The following ARHGEF10 variants were observed in gnomAD, a reference collection of about 807,000 sequenced individuals.
ARHGEF10 encodes the protein Rho guanine nucleotide exchange factor (GEF) 10.
In ARHGEF10, 140 loss-of-function variants were observed where a neutral mutation model predicts 147.4. That is an observed-to-expected ratio of 0.95 (90% CI 0.83 to 1.09). The LOEUF is 1.09. ARHGEF10 is among the 50% of genes least tolerant of loss of function. The pLI is 0.00. For synonymous variants in ARHGEF10, 902 were observed against 695.8 expected (o/e 1.30, Z -4.67); for missense variants, 2,222 against 1,752.7 (o/e 1.27, Z -4.78).
intron 17 of ARHGEF10, among the ~76,000 whole-genome samples, chr8:1,906,169 G>C (rs867761034): frequency 6.6e-6 from 1 of 152,110 alleles, no homozygotes; most frequent in East Asian, 1.9e-4. Flanking sequence ...CATCAGAATC[G>C]TTCTCCAATG....
chr8:1,879,587 C>A (rs1025699705), intron 8 of ARHGEF10, among the ~76,000 whole-genome samples: 1 of 150,344 alleles, frequency 6.7e-6, no homozygotes, highest in Non-Finnish European at 1.5e-5. Flanking sequence ...GGGTCTTACT[C>A]TGTCTGCCAG....
chr8:1,946,209 G>A (rs1359796349), intron 27 of ARHGEF10, among the ~76,000 whole-genome samples: 2 of 152,220 alleles, frequency 1.3e-5, no homozygotes, highest in Non-Finnish European at 2.9e-5. Context: ...GGGCCCAACC[G>A]GCTTCTTTCA....
intron 4 of ARHGEF10, among the ~76,000 whole-genome samples, chr8:1,862,786 T>C (rs1180880931): frequency 2.0e-5 from 3 of 148,070 alleles, no homozygotes; most frequent in South Asian, 2.2e-4. Context: ...TTTTTTTTTT[T>C]TTTTTTTTTT....
chr8:1,842,850 C>G (rs1288018877), intron 1 of ARHGEF10, among the ~76,000 whole-genome samples: 1 of 152,230 alleles, frequency 6.6e-6, no homozygotes, highest in East Asian at 1.9e-4. Context: ...CCCAGCCTCG[C>G]CCCGAGAGGT....
intron 16 of ARHGEF10, among the ~76,000 whole-genome samples, chr8:1,904,676 A>C (rs1203037047): frequency 1.3e-5 from 2 of 152,080 alleles, no homozygotes; most frequent in Non-Finnish European, 2.9e-5. Flanking sequence ...TGTCACCCAC[A>C]TGCCTCATCG....
intron 1 of ARHGEF10, among the ~76,000 whole-genome samples, chr8:1,842,668 C>T (rs1258533602): frequency 3.9e-5 from 6 of 152,244 alleles, no homozygotes. Flanking sequence ...TTATTTCACC[C>T]TGGATGGCTC....
rs1021050113 is a variant in ARHGEF10 at position 1,885,626 on chromosome 8, A to G, written c.1101A>G (p.Glu367=). 1 of 1,613,898 alleles carries G rather than the reference A, an allele frequency of 6.2e-7. No homozygotes were observed. The highest frequency in any genetic ancestry group is 8.5e-7 in the Non-Finnish European group (1 of 1,179,920). The change falls in exon 11 of 29, where the codon GAA becomes GAG. Residue 367 remains glutamate (E), a synonymous_variant. Coordinates refer to ENST00000349830, the MANE Select transcript of ARHGEF10 (RefSeq NM_014629.4). Reference sequence around the variant, plus strand: ...ATCACAGATCTTCTCTTGAGGAAGAACAGAATTTGTTCATTGATGTTGACT... The same window carrying G: ...ATCACAGATCTTCTCTTGAGGAAGAGCAGAATTTGTTCATTGATGTTGACT... The part of the protein sequence containing the change: ...AQDHRSSLEE[E]QNLFIDVDCK...
At chr8:1,833,513 A>T (rs1250113269) in intron 1 of ARHGEF10, among the ~76,000 whole-genome samples, 2 of 152,278 alleles carry the variant, frequency 1.3e-5, no homozygotes, top group African/African-American at 2.4e-5. Flanking sequence ...AGCCGCTGCC[A>T]CTGCATCCGC....
chr8:1,957,488 C>G lies in ARHGEF10; in HGVS notation c.*225C>G. On this transcript the variant is annotated 3_prime_UTR_variant, in exon 29 of 29. Coordinates refer to ENST00000349830, the MANE Select transcript of ARHGEF10 (RefSeq NM_014629.4). ...AAGCACTTCTCACGAAGGCAGAAGACTGATGCAATTTTCGAGTAATTGAGT... is the reference window on the plus strand; with the variant it reads ...AAGCACTTCTCACGAAGGCAGAAGAGTGATGCAATTTTCGAGTAATTGAGT... 1.5e-6 allele frequency: 1 copy of G among 662,356 alleles called. No homozygotes were observed. Among genetic ancestry groups the G allele is most frequent in the Admixed American group, 3.0e-5 (1 of 33,276 alleles). 41.0% of individuals were successfully genotyped at this position (662,356 alleles called of 1,614,324 possible).
At position 1,926,723 on chromosome 8, in the gene ARHGEF10, A is replaced by G. The variant is rs575937359; in HGVS notation, c.2697+260A>G. 40 of 537,012 alleles carry G rather than the reference A, an allele frequency of 7.4e-5. No homozygotes were observed. In the South Asian group the frequency reaches 8.1e-4, roughly 11 times the overall value. 33.3% of individuals were successfully genotyped at this position (537,012 alleles called of 1,614,324 possible). The stretch of plus-strand genomic sequence containing the variant: ...CCAGATAAAGTTGAGTCCAGAGACA[A>G]CTAACTAATAAGAGAATAATTTTAA... On this transcript the variant is annotated intron_variant, in intron 23 of 28. Coordinates refer to ENST00000349830, the MANE Select transcript of ARHGEF10 (RefSeq NM_014629.4).
chr8:1,881,328 C>T (rs1455970511), intron 9 of ARHGEF10, among the ~76,000 whole-genome samples: 1 of 152,162 alleles, frequency 6.6e-6, no homozygotes, highest in Admixed American at 6.5e-5. Context: ...GTTTGCAGTT[C>T]TCTGATACTC....
At chr8:1,875,177 GCAGACACACACGGGGCTGTGTCGGGGATA>G (rs1807578980) in intron 7 of ARHGEF10, among the ~76,000 whole-genome samples, 1 of 100,160 alleles carries the variant, frequency 1.0e-5, no homozygotes, top group African/African-American at 4.0e-5. Context: ...GTGGGAGAGT[GCAGACACACACGGGGCTGTGTCGGGGATA>G]GAGGTTCTAA....
chr8:1,930,445 A>C (rs560865390), intron 25 of ARHGEF10, among the ~76,000 whole-genome samples: 1 of 151,980 alleles, frequency 6.6e-6, no homozygotes, highest in East Asian at 1.9e-4. Flanking sequence ...TCATTCTCCA[A>C]ATATTTGTTA....
At position 1,923,593 on chromosome 8, in the gene ARHGEF10, C is replaced by T. The variant is rs34036746; in HGVS notation, c.2385C>T (p.Asp795=). The T allele has an allele frequency of 3.6e-4, 573 of 1,613,976 alleles. No homozygotes were observed. Among genetic ancestry groups the T allele is most frequent in the Non-Finnish European group, 4.7e-4 (553 of 1,180,040 alleles). ...AGTTACAGCTTCCCGGGAAGCAGGA[C>T]AAGTTAGTAGTAGCTTTAAAACGAA... ...RIQLQLPGKQ[D]KSGRPTFFTA... The change falls in exon 20 of 29, where the codon GAC becomes GAT. Residue 795 remains aspartate, a splice_region_variant and synonymous_variant. Coordinates refer to ENST00000349830, the MANE Select transcript of ARHGEF10 (RefSeq NM_014629.4).
chr8:1,830,705 T>G (rs1304088278), intron 1 of ARHGEF10, among the ~76,000 whole-genome samples: 3 of 152,136 alleles, frequency 2.0e-5, no homozygotes, highest in Non-Finnish European at 4.4e-5. Context: ...GGAAAGATGA[T>G]TTAAGAAGTA....
Position 1,919,944 on chromosome 8 carries a change from A to G in ARHGEF10, c.2144-3020A>G, listed in dbSNP as rs376914667. 1.9e-3 allele frequency among the ~76,000 whole-genome samples: 274 copies of G among 141,788 alleles called. 5 individuals are homozygous for G. The highest frequency in any genetic ancestry group is 2.8e-3 in the Non-Finnish European group (182 of 64,696). The allele number at this position is 141,788 out of a possible 152,430, so 93.0% of individuals were successfully genotyped here. On this transcript the variant is annotated intron_variant, in intron 18 of 28. Coordinates refer to ENST00000349830, the MANE Select transcript of ARHGEF10 (RefSeq NM_014629.4). ...GATGGAGCTGTTCTATGGGTGATGG[A>G]GCTGTTCTATGGGTGATGGAGCTGT...
chr8:1,832,358 GC>G (rs1716818718), intron 1 of ARHGEF10, among the ~76,000 whole-genome samples: 1 of 132,186 alleles, frequency 7.6e-6, no homozygotes, highest in Non-Finnish European at 1.7e-5. Flanking sequence ...ACAGAGACAG[GC>G]AGAGACAGAG....
At chr8:1,845,267 C>T (rs993214000) in intron 2 of ARHGEF10, among the ~76,000 whole-genome samples, 3 of 152,128 alleles carry the variant, frequency 2.0e-5, no homozygotes, top group Non-Finnish European at 4.4e-5. Context: ...TCCACGGGCC[C>T]ACTTTGGGCG....
intron 27 of ARHGEF10, 145 bp from the exon 28 acceptor site, chr8:1,952,560 G>T: frequency 2.8e-6 from 3 of 1,085,948 alleles, no homozygotes; most frequent in Middle Eastern, 2.9e-4. Context: ...CTGGTGCTCG[G>T]GTTTGGGAAC....
Sources: allele counts gnomAD v4.1 joint callset (sites outside exome capture counted in the v4.1 genomes callset), GRCh38; gene constraint gnomAD v4.1.1; transcripts MANE v1.5; gene names NCBI Gene and HGNC (gene_info 2026-07-23, HGNC 2026-07-21).